The following DGKB variants were observed in gnomAD, a reference collection of about 807,000 sequenced individuals.
DGKB encodes diacylglycerol kinase beta.
A neutral mutation model predicts 114.3 loss-of-function variants in DGKB; 67 were observed. The ratio of observed to expected loss-of-function variants is 0.59; its 90% CI spans 0.48 to 0.72. The LOEUF is 0.72. Ranked by LOEUF, DGKB falls within the 30% of genes least tolerant of loss-of-function variation. The probability of loss-of-function intolerance (pLI) is 0.00; values close to 1 mark genes in which losing one functional copy is unlikely to be tolerated. For missense variants in DGKB, 907 were observed against 975.2 expected (o/e 0.93, Z 0.93); for synonymous variants, 398 against 323.1 (o/e 1.23, Z -2.49).
At chr7:14,436,079 T>C (rs777729260) in intron 21 of DGKB, among the ~76,000 whole-genome samples, 1 of 152,094 alleles carries the variant, frequency 6.6e-6, no homozygotes, top group African/African-American at 2.4e-5. Flanking sequence ...TTAGATACTA[T>C]AGACTTTTAC....
intron 21 of DGKB, among the ~76,000 whole-genome samples, chr7:14,468,258 C>A (rs976250090): frequency 1.3e-5 from 2 of 151,888 alleles, no homozygotes; most frequent in African/African-American, 4.8e-5. Context: ...GTTAACGTCA[C>A]AGGCTTATTT....
chr7:14,761,949 C>T (rs755775719), intron 2 of DGKB, among the ~76,000 whole-genome samples: 2 of 152,136 alleles, frequency 1.3e-5, no homozygotes, highest in Non-Finnish European at 2.9e-5. Flanking sequence ...AGGGGTATGA[C>T]TTGGGGAAAT....
At chr7:14,591,012 T>C (rs1358778189) in intron 17 of DGKB, among the ~76,000 whole-genome samples, 1 of 152,098 alleles carries the variant, frequency 6.6e-6, no homozygotes, top group East Asian at 1.9e-4. Context: ...TTGGGAGACC[T>C]GCCTACAGCA....
rs566651894 is a variant in DGKB at position 14,685,359 on chromosome 7, C to T, written c.715G>A (p.Val239Met). The T allele has an allele frequency of 3.7e-6, 6 of 1,610,118 alleles. No homozygotes were observed. The highest frequency in any genetic ancestry group is 1.3e-5 in the African/African-American group (1 of 74,924). Residue 239 changes from valine to methionine, a missense_variant, in exon 10 of 26, where the codon GTG becomes ATG. Transcript: ENST00000402815. ...LLVLLGLENN[V>M]KDDGQHVWRL... ...CACACGTGCTGTCCATCATCCTTCA[C>T]GTTCTGCATGGGACGTAAGAGAAAC...
chr7:14,584,486 C>G (rs567846470), intron 17 of DGKB, among the ~76,000 whole-genome samples: 4 of 152,098 alleles, frequency 2.6e-5, no homozygotes, highest in Middle Eastern at 3.4e-3. Context: ...TATGATATGT[C>G]TTTAATAATA....
intron 21 of DGKB, among the ~76,000 whole-genome samples, chr7:14,367,945 G>A (rs1350901591): frequency 1.3e-5 from 2 of 152,034 alleles, no homozygotes; most frequent in African/African-American, 4.8e-5. Context: ...TGGGGATTAT[G>A]GGGATTACAA....
At chr7:14,174,925 A>C (rs1208885076) in intron 25 of DGKB, among the ~76,000 whole-genome samples, 8 of 152,230 alleles carry the variant, frequency 5.3e-5, no homozygotes, top group Non-Finnish European at 1.2e-4. Flanking sequence ...GAAGGGAGGA[A>C]AAAGATTTAG....
chr7:14,710,381 C>T (rs75686303), intron 6 of DGKB, among the ~76,000 whole-genome samples: 15,995 of 152,070 alleles, frequency 0.11, 1,744 homozygotes, highest in African/African-American at 0.28. Flanking sequence ...TCTTGCTAAA[C>T]ACACTTATTA....
chr7:14,641,858 C>A (rs557996791), intron 13 of DGKB, among the ~76,000 whole-genome samples: 1 of 152,122 alleles, frequency 6.6e-6, no homozygotes, highest in African/African-American at 2.4e-5. Flanking sequence ...TTCTTCCAGA[C>A]AAAATTAGAA....
At chr7:14,551,182 C>A (rs1795049719) in intron 20 of DGKB, among the ~76,000 whole-genome samples, 1 of 152,128 alleles carries the variant, frequency 6.6e-6, no homozygotes, top group South Asian at 2.1e-4. Context: ...TAAATCACAA[C>A]CATGCAAATA....
chr7:14,534,896 G>A (rs542995053), intron 20 of DGKB, among the ~76,000 whole-genome samples: 1 of 152,164 alleles, frequency 6.6e-6, no homozygotes, highest in Non-Finnish European at 1.5e-5. Flanking sequence ...AAAGAAAACT[G>A]AACAATCACA....
intron 23 of DGKB, among the ~76,000 whole-genome samples, chr7:14,272,963 CTAA>C (rs1263769179): frequency 6.6e-6 from 1 of 152,086 alleles, no homozygotes; most frequent in African/African-American, 2.4e-5. Context: ...AAGGATGCAC[CTAA>C]TAATATCTGA....
intron 13 of DGKB, among the ~76,000 whole-genome samples, chr7:14,656,694 G>T (rs1440012182): frequency 1.3e-5 from 2 of 149,860 alleles, no homozygotes; most frequent in Non-Finnish European, 3.0e-5. Flanking sequence ...AATTATTATT[G>T]CTTACCCTGG....
intron 3 of DGKB, 71 bp downstream of exon 3, chr7:14,757,584 G>A (rs2128446871): frequency 2.3e-6 from 2 of 870,268 alleles, no homozygotes; most frequent in East Asian, 4.9e-5. Flanking sequence ...ATTTTTCCAA[G>A]AATTGTTTAT....
intron 13 of DGKB, among the ~76,000 whole-genome samples, chr7:14,646,331 T>A (rs993073113): frequency 2.0e-5 from 3 of 152,212 alleles, no homozygotes; most frequent in East Asian, 3.9e-4. Context: ...ATAACAATTA[T>A]AGAAAAGTAA....
At chr7:14,894,564 T>C (rs114736614) in intron 1 of DGKB, among the ~76,000 whole-genome samples, 2,059 of 151,674 alleles carry the variant, frequency 0.014, 36 homozygotes, top group African/African-American at 0.047. Context: ...TGCCTAGCCA[T>C]AAAGAATAGC....
intron 25 of DGKB, among the ~76,000 whole-genome samples, chr7:14,149,450 G>A (rs1228882501): frequency 1.3e-5 from 2 of 152,122 alleles, no homozygotes; most frequent in Non-Finnish European, 2.9e-5. Context: ...CCAGTGCTCA[G>A]GATAATAATT....
intron 3 of DGKB, among the ~76,000 whole-genome samples, chr7:14,755,993 T>C (rs989942247): frequency 1.3e-5 from 2 of 152,068 alleles, no homozygotes; most frequent in Non-Finnish European, 2.9e-5. Context: ...TGTCTAATAA[T>C]GATCTAATAA....
chr7:14,770,465 G>A (rs1837249647), intron 2 of DGKB, among the ~76,000 whole-genome samples: 1 of 152,114 alleles, frequency 6.6e-6, no homozygotes, highest in Non-Finnish European at 1.5e-5. Flanking sequence ...AGTCCAGGGA[G>A]AGCATGCCTC....
Sources: gnomAD v4.1 joint callset for allele counts (sites outside exome capture counted in the v4.1 genomes callset) on GRCh38, gnomAD v4.1.1 for gene constraint, MANE v1.5 for transcripts, NCBI Gene and HGNC (gene_info 2026-07-23, HGNC 2026-07-21) for gene names.